The following CFAP95 variants were observed in gnomAD, a reference collection of about 807,000 sequenced individuals.
CFAP95 encodes the protein cilia- and flagella-associated protein 95.
chr9:69,880,294 C>T, the CFAP95 span, among the ~76,000 whole-genome samples: 1 of 152,168 alleles, frequency 6.6e-6, no homozygotes, highest in Non-Finnish European at 1.5e-5. Context: ...TATGCCATCC[C>T]TTCCCTGCCC....
chr9:69,830,975 A>C, the CFAP95 span, among the ~76,000 whole-genome samples: 1 of 152,300 alleles, frequency 6.6e-6, no homozygotes, highest in Non-Finnish European at 1.5e-5. Context: ...ACTGTTTTTG[A>C]TAGGCATTAA....
At chr9:69,904,821 C>G in the CFAP95 span, among the ~76,000 whole-genome samples, 2 of 152,196 alleles carry the variant, frequency 1.3e-5, no homozygotes, top group Non-Finnish European at 2.9e-5. Context: ...CTACACAGAA[C>G]AGTGACACAG....
the CFAP95 span, among the ~76,000 whole-genome samples, chr9:69,858,770 A>G: frequency 6.6e-6 from 1 of 152,236 alleles, no homozygotes; most frequent in South Asian, 2.1e-4. Flanking sequence ...GCAACTTCAT[A>G]GAACATTACT....
chr9:69,843,445 C>T, the CFAP95 span, among the ~76,000 whole-genome samples: 1 of 91,534 alleles, frequency 1.1e-5, no homozygotes, highest in Non-Finnish European at 2.2e-5. Context: ...CTTCTTCCCC[C>T]TCCCCTCCCC....
At chr9:69,825,113 A>C in the CFAP95 span, among the ~76,000 whole-genome samples, 1 of 152,208 alleles carries the variant, frequency 6.6e-6, no homozygotes, top group East Asian at 1.9e-4. Context: ...GATTTGTTTT[A>C]TGATAGATTA....
chr9:69,888,125 T>A, the CFAP95 span, among the ~76,000 whole-genome samples: 2 of 152,178 alleles, frequency 1.3e-5, no homozygotes, highest in Non-Finnish European at 2.9e-5. Context: ...TTTAATATAA[T>A]GAAATTCCAA....
chr9:69,836,634 G>T, the CFAP95 span, among the ~76,000 whole-genome samples: 1 of 146,730 alleles, frequency 6.8e-6, no homozygotes, highest in East Asian at 2.0e-4. Context: ...AGAATAAAAA[G>T]TATCCAAATT....
the CFAP95 span, among the ~76,000 whole-genome samples, chr9:69,821,709 C>T: frequency 1.3e-5 from 2 of 151,774 alleles, no homozygotes; most frequent in African/African-American, 4.8e-5. Flanking sequence ...TGGTTAAGGC[C>T]AACAGACATT....
chr9:69,885,989 T>C, the CFAP95 span, among the ~76,000 whole-genome samples: 2 of 152,146 alleles, frequency 1.3e-5, no homozygotes, highest in Admixed American at 6.6e-5. Flanking sequence ...AAACAGAAAA[T>C]TTCAGAAATG....
At chr9:69,881,805 A>AT in the CFAP95 span, among the ~76,000 whole-genome samples, 1 of 151,906 alleles carries the variant, frequency 6.6e-6, no homozygotes, top group African/African-American at 2.4e-5. Flanking sequence ...AACATAAAAT[A>AT]TTTTTCCATT....
the CFAP95 span, among the ~76,000 whole-genome samples, chr9:69,879,585 T>A: frequency 6.8e-6 from 1 of 146,786 alleles, no homozygotes; most frequent in African/African-American, 2.8e-5. Flanking sequence ...GGTTTTAACA[T>A]TAAAATGAGG....
the CFAP95 span, among the ~76,000 whole-genome samples, chr9:69,897,282 G>A: frequency 6.6e-3 from 1,000 of 152,202 alleles, 14 homozygotes; most frequent in African/African-American, 0.023. Context: ...ATCCTTATAG[G>A]CATACTGGGG....
the CFAP95 span, chr9:69,856,822 T>C: frequency 2.1e-6 from 1 of 476,394 alleles, no homozygotes; most frequent in African/African-American, 2.0e-5. Context: ...CTGCTCATGC[T>C]GTTCTCTCTG....
At chr9:69,830,509 C>T in the CFAP95 span, among the ~76,000 whole-genome samples, 1 of 152,164 alleles carries the variant, frequency 6.6e-6, no homozygotes, top group Non-Finnish European at 1.5e-5. Context: ...TCTCCCTCCC[C>T]AGCCAACTTG....
the CFAP95 span, among the ~76,000 whole-genome samples, chr9:69,856,916 ATG>A: frequency 1.1e-5 from 1 of 89,096 alleles, no homozygotes; most frequent in African/African-American, 4.4e-5. Context: ...TCCTCTTTAT[ATG>A]TGTTTTTTTT....
chr9:69,903,481 C>T, the CFAP95 span, among the ~76,000 whole-genome samples: 1 of 152,188 alleles, frequency 6.6e-6, no homozygotes, highest in East Asian at 1.9e-4. Flanking sequence ...CTGGAGCCAG[C>T]TCTTAACAGT....
the CFAP95 span, among the ~76,000 whole-genome samples, chr9:69,893,150 C>T: frequency 6.6e-6 from 1 of 152,150 alleles, no homozygotes; most frequent in African/African-American, 2.4e-5. Context: ...ATGGGCAACC[C>T]CTAGGCGCTT....
chr9:69,861,449 A>G, the CFAP95 span, among the ~76,000 whole-genome samples: 2 of 152,114 alleles, frequency 1.3e-5, no homozygotes, highest in South Asian at 2.1e-4. Flanking sequence ...TGCATTATGT[A>G]TGGTCACTGA....
the CFAP95 span, among the ~76,000 whole-genome samples, chr9:69,854,255 A>G: frequency 6.6e-6 from 1 of 152,220 alleles, no homozygotes; most frequent in Admixed American, 6.5e-5. Flanking sequence ...TTATGTGTAA[A>G]GTGAGAATTG....
Sources: gnomAD v4.1 joint callset for allele counts (sites outside exome capture counted in the v4.1 genomes callset) on GRCh38, gnomAD v4.1.1 for gene constraint, MANE v1.5 for transcripts, NCBI Gene and HGNC (gene_info 2026-07-23, HGNC 2026-07-21) for gene names.